Variants in OLAH observed in about 807,000 individuals in gnomAD.
The protein encoded by OLAH is oleoyl-ACP hydrolase.
OLAH carries 33 observed loss-of-function variants against 27.8 expected under a neutral mutation model. The observed-to-expected ratio is 1.19, with a 90% CI of 0.90 to 1.59. The LOEUF (loss-of-function observed/expected upper bound fraction) is 1.59, where lower values mean the gene tolerates loss of function less well. OLAH is among the 40% of genes most tolerant of loss of function. The pLI is 0.00. For missense variants in OLAH, 359 were observed against 310.8 expected (o/e 1.16, Z -1.17); for synonymous variants, 120 against 102.9 (o/e 1.17, Z -1.01).
At position 15,073,173 on chromosome 10, in the gene OLAH, T is replaced by G. The variant is rs1844626330; in HGVS notation, c.742T>G (p.Leu248Val). ...FYLLDPANEK[L>V]IKNYIIKCLE... Reference sequence around the variant, plus strand: ...TCTTCTGGATCCTGCGAACGAGAAATTAATCAAGAACTACATAATCAAGTG... The same window carrying G: ...TCTTCTGGATCCTGCGAACGAGAAAGTAATCAAGAACTACATAATCAAGTG... The change falls in exon 8 of 8, where the codon TTA becomes GTA. Residue 248 changes from leucine to valine, a missense_variant. By Grantham distance (32) the Leu-to-Val change is conservative (BLOSUM62 1). Coordinates refer to ENST00000378228, the MANE Select transcript of OLAH (RefSeq NM_001039702.3). 6.2e-7 allele frequency: 1 copy of G among 1,610,510 alleles called. No individual in the cohort carries two copies.
intron 5 of OLAH, 172 bp from the exon 6 acceptor site, chr10:15,065,412 C>G: frequency 5.1e-6 from 3 of 593,262 alleles, no homozygotes; most frequent in Non-Finnish European, 8.5e-6. Flanking sequence ...TACTGATGAG[C>G]CTTCTTCTCC....
At chr10:15,051,906 TGCCATTGTCTCACAAAA>T (rs751759437) in intron 3 of OLAH, among the ~76,000 whole-genome samples, 1 of 152,202 alleles carries the variant, frequency 6.6e-6, no homozygotes, top group Non-Finnish European at 1.5e-5. Context: ...TCTTCAGCTT[TGCCATTGTCTCACAAAA>T]GCAAGCACAG....
intron 3 of OLAH, among the ~76,000 whole-genome samples, chr10:15,060,512 T>C (rs1214249773): frequency 1.3e-5 from 2 of 151,956 alleles, no homozygotes; most frequent in Non-Finnish European, 2.9e-5. Context: ...ATGTTTAAGT[T>C]CACTGATCTT....
At chr10:15,055,627 A>G (rs1048975988) in intron 3 of OLAH, among the ~76,000 whole-genome samples, 5 of 152,192 alleles carry the variant, frequency 3.3e-5, no homozygotes, top group African/African-American at 1.2e-4. Context: ...GTTTTAATCA[A>G]TAGCTGATGG....
chr10:15,044,612 G>A (rs1292572263), intron 1 of OLAH, among the ~76,000 whole-genome samples: 7 of 151,568 alleles, frequency 4.6e-5, no homozygotes, highest in Non-Finnish European at 1.0e-4. Flanking sequence ...ATCCTTTAAC[G>A]TTTCTTTAAA....
Position 15,065,717 on chromosome 10 carries a change from T to A in OLAH, c.536T>A (p.Ile179Asn), listed in dbSNP as rs374640400. Residue 179 changes from isoleucine to asparagine, a missense_variant, in exon 6 of 8, where the codon ATC becomes AAC. Ile to Asn is a moderately radical substitution (Grantham distance 149). Coordinates refer to ENST00000378228, the MANE Select transcript of OLAH (RefSeq NM_001039702.3). ...AKEFVKQCSP[I>N]IRADLNIVRS... ...GAATTTGTGAAACAATGTAGTCCCATCATAAGGGCAGATCTGAACATTGTT... is the reference window on the plus strand; with the variant it reads ...GAATTTGTGAAACAATGTAGTCCCAACATAAGGGCAGATCTGAACATTGTT... 1 of 1,613,298 alleles carries A rather than the reference T, an allele frequency of 6.2e-7. No homozygotes were observed. Among genetic ancestry groups the A allele is most frequent in the Non-Finnish European group, 8.5e-7 (1 of 1,179,806 alleles).
intron 6 of OLAH, among the ~76,000 whole-genome samples, chr10:15,069,665 G>A (rs951573672): frequency 3.3e-4 from 50 of 152,228 alleles, no homozygotes; most frequent in African/African-American, 1.1e-3. Flanking sequence ...TCAGGAGTTC[G>A]AGACCAGCCT....
At chr10:15,072,318 A>G (rs1194093729) in intron 7 of OLAH, among the ~76,000 whole-genome samples, 1 of 152,178 alleles carries the variant, frequency 6.6e-6, no homozygotes, top group East Asian at 1.9e-4. Flanking sequence ...AATGTCAACT[A>G]GTAGTTACTG....
intron 6 of OLAH, among the ~76,000 whole-genome samples, chr10:15,069,698 C>A (rs1167032100): frequency 6.6e-6 from 1 of 152,140 alleles, no homozygotes; most frequent in African/African-American, 2.4e-5. Flanking sequence ...GAAACCCCAT[C>A]TCTACTAAAA....
chr10:15,033,724 G>A (rs1346702852), intron 1 of OLAH, among the ~76,000 whole-genome samples: 1 of 152,096 alleles, frequency 6.6e-6, no homozygotes, highest in Non-Finnish European at 1.5e-5. Flanking sequence ...ATGGGAAGAA[G>A]GCTTTGTCTT....
upstream of OLAH, among the ~76,000 whole-genome samples, chr10:15,043,271 T>C (rs1843954813): frequency 2.0e-5 from 3 of 152,070 alleles, no homozygotes; most frequent in South Asian, 4.1e-4. Context: ...GCCTACATGA[T>C]TGAAAACACG....
chr10:15,055,522 A>C (rs958400891), intron 3 of OLAH, among the ~76,000 whole-genome samples: 1 of 152,200 alleles, frequency 6.6e-6, no homozygotes, highest in Non-Finnish European at 1.5e-5. Context: ...CTCTGATATC[A>C]AGTCTCAAAG....
intron 1 of OLAH, among the ~76,000 whole-genome samples, chr10:15,038,141 G>A (rs1414114894): frequency 6.6e-6 from 1 of 152,244 alleles, no homozygotes; most frequent in African/African-American, 2.4e-5. Flanking sequence ...GGGGCCTGTA[G>A]CCCCTTTGTT....
intron 1 of OLAH, among the ~76,000 whole-genome samples, chr10:15,037,923 G>A (rs896044512): frequency 2.6e-5 from 4 of 152,214 alleles, no homozygotes; most frequent in Admixed American, 1.3e-4. Context: ...GGCCAGGAAC[G>A]CTGCCTGGAT....
chr10:15,039,133 G>A (rs1480262846), upstream of OLAH, among the ~76,000 whole-genome samples: 1 of 152,072 alleles, frequency 6.6e-6, no homozygotes, highest in Non-Finnish European at 1.5e-5. Flanking sequence ...GGCTGAGGTG[G>A]GAAGATTGCT....
At chr10:15,057,053 C>T in intron 3 of OLAH, 2 of 1,292,932 alleles carry the variant, frequency 1.5e-6, no homozygotes, top group African/African-American at 1.5e-5. Context: ...TCTTCTGACT[C>T]ACAGAAGCTT....
upstream of OLAH, among the ~76,000 whole-genome samples, chr10:15,042,134 C>T (rs1169899297): frequency 6.6e-6 from 1 of 151,898 alleles, no homozygotes; most frequent in Non-Finnish European, 1.5e-5. Flanking sequence ...GGCACAAATA[C>T]AACAAATACA....
At chr10:15,036,494 T>C (rs1772630864) in intron 1 of OLAH, among the ~76,000 whole-genome samples, 1 of 151,520 alleles carries the variant, frequency 6.6e-6, no homozygotes, top group Admixed American at 6.6e-5. Context: ...CGAGACTCTA[T>C]CCCCCCAAAA....
intron 6 of OLAH, among the ~76,000 whole-genome samples, chr10:15,068,779 C>T (rs934094983): frequency 6.6e-5 from 10 of 152,184 alleles, no homozygotes; most frequent in Non-Finnish European, 1.2e-4. Context: ...AATTTGAACA[C>T]GTCTCTGCTT....
Sources: gnomAD v4.1 joint callset for allele counts (sites outside exome capture counted in the v4.1 genomes callset) on GRCh38, gnomAD v4.1.1 for gene constraint, MANE v1.5 for transcripts, NCBI Gene and HGNC (gene_info 2026-07-23, HGNC 2026-07-21) for gene names.